Variants in NLRP5 observed in about 807,000 individuals in gnomAD.
NLRP5 encodes NLR family pyrin domain containing 5.
Under a neutral mutation model 113.1 loss-of-function variants are expected in NLRP5, and 93 were observed. The observed-to-expected ratio is 0.82, with a 90% CI of 0.70 to 0.98. NLRP5 has a LOEUF of 0.98. Ranked by LOEUF, NLRP5 falls within the 50% of genes least tolerant of loss-of-function variation. The pLI, the probability that NLRP5 is intolerant of heterozygous loss-of-function variation, is 0.00. For missense variants in NLRP5, 1,808 were observed against 1,514.3 expected, an observed-to-expected ratio of 1.19 and a Z score of -3.22; for synonymous variants, 751 against 600.7, an observed-to-expected ratio of 1.25 and a Z score of -3.66.
Position 56,042,405 on chromosome 19 carries a change from G to A in NLRP5, c.2957+1313G>A, listed in dbSNP as rs117487388. Among the ~76,000 whole-genome samples the A allele has an allele frequency of 3.7e-3, 565 of 152,170 alleles. 3 individuals carry two copies. The highest frequency in any genetic ancestry group is 5.6e-3 in the Non-Finnish European group (384 of 68,012). On this transcript the variant is annotated intron_variant, in intron 11 of 14. Coordinates refer to ENST00000390649, the MANE Select transcript of NLRP5 (RefSeq NM_153447.4). ...GTCACCCAGGTTGGAGTGGCATGGC[G>A]CAATCTCAGCTCACTGCAACCTCCA...
At chr19:55,991,799 A>G in the NLRP5 span, among the ~76,000 whole-genome samples, 44 of 152,236 alleles carry the variant, frequency 2.9e-4, no homozygotes, top group African/African-American at 8.9e-4. Context: ...AATATAAATA[A>G]TAGTGGAATA....
rs368474222 is a variant in NLRP5 at position 56,053,662 on chromosome 19, C to T, written c.3153C>T (p.Ala1051=). 1.4e-5 allele frequency: 22 copies of T among 1,613,676 alleles called. No individual in the cohort carries two copies. The highest frequency in any genetic ancestry group is 1.1e-4 in the East Asian group (5 of 44,890). ...GGTTGGTAAAGTGTCATCTCACCGC[C>T]GCGTGCTGTGAGAGTCTGTCCTGTG... Residue 1051 remains alanine (A), a synonymous_variant, in exon 13 of 15, where the codon GCC becomes GCT. Coordinates refer to ENST00000390649, the MANE Select transcript of NLRP5 (RefSeq NM_153447.4).
upstream of NLRP5, among the ~76,000 whole-genome samples, chr19:55,997,714 A>G (rs1169227453): frequency 1.3e-5 from 2 of 152,078 alleles, no homozygotes; most frequent in Admixed American, 6.6e-5. Context: ...TACCAAAAAA[A>G]TAGCTGGGTG....
chr19:56,017,666 C>T (rs1167680349), intron 4 of NLRP5, among the ~76,000 whole-genome samples: 1 of 152,090 alleles, frequency 6.6e-6, no homozygotes. Context: ...TGTTTTATGC[C>T]TGATGTATCT....
At chr19:56,040,424 C>T (rs1272299522) in intron 10 of NLRP5, among the ~76,000 whole-genome samples, 2 of 151,976 alleles carry the variant, frequency 1.3e-5, no homozygotes, top group African/African-American at 4.8e-5. Flanking sequence ...AAAAATTAGT[C>T]AAACATGGTG....
intron 6 of NLRP5, 92 bp from the exon 7 acceptor site, chr19:56,026,821 C>T (rs1322420754): frequency 3.7e-5 from 49 of 1,323,108 alleles, no homozygotes; most frequent in Non-Finnish European, 5.0e-5. Flanking sequence ...GGTGATATGC[C>T]CATCTTGACC....
intron 11 of NLRP5, among the ~76,000 whole-genome samples, chr19:56,041,596 C>T (rs1983525078): frequency 6.6e-6 from 1 of 152,178 alleles, no homozygotes; most frequent in South Asian, 2.1e-4. Flanking sequence ...CTCACAGCCT[C>T]CCCACGCTCC....
upstream of NLRP5, among the ~76,000 whole-genome samples, chr19:55,997,290 C>A (rs1054249360): frequency 6.6e-6 from 1 of 152,102 alleles, no homozygotes; most frequent in African/African-American, 2.4e-5. Context: ...ACCCTTGCAA[C>A]CCTGAGATGA....
chr19:56,014,811 A>G (rs1297082505), intron 3 of NLRP5, among the ~76,000 whole-genome samples: 1 of 152,152 alleles, frequency 6.6e-6, no homozygotes, highest in Non-Finnish European at 1.5e-5. Flanking sequence ...TGACTTAACT[A>G]CTATTGCTTT....
At chr19:56,033,510 G>A (rs1298183461) in intron 8 of NLRP5, 32 bp from the exon 9 acceptor site, 1 of 1,552,810 alleles carries the variant, frequency 6.4e-7, no homozygotes, top group East Asian at 2.3e-5. Context: ...AACATCACCA[G>A]TGTCGAATGT....
At chr19:55,995,007 C>A (rs190821186), upstream of NLRP5, among the ~76,000 whole-genome samples, 12 of 152,252 alleles carry the variant, frequency 7.9e-5, no homozygotes, top group East Asian at 1.7e-3. Context: ...AGTGTACTTT[C>A]CCTAATCTTG....
intron 4 of NLRP5, among the ~76,000 whole-genome samples, chr19:56,017,084 G>C (rs1982434554): frequency 6.6e-6 from 1 of 152,192 alleles, no homozygotes; most frequent in Non-Finnish European, 1.5e-5. Flanking sequence ...TGGGATTACA[G>C]ACGTGAGCCA....
intron 11 of NLRP5, among the ~76,000 whole-genome samples, chr19:56,042,291 G>T (rs1043200736): frequency 2.0e-5 from 3 of 152,184 alleles, no homozygotes; most frequent in African/African-American, 7.2e-5. Context: ...TACAGATGCA[G>T]TTCTCATTAT....
intron 11 of NLRP5, among the ~76,000 whole-genome samples, chr19:56,046,988 T>C (rs1028909735): frequency 1.3e-5 from 2 of 152,222 alleles, no homozygotes; most frequent in Non-Finnish European, 2.9e-5. Flanking sequence ...GTTGGATCTT[T>C]CTAGGAATTT....
intron 1 of NLRP5, among the ~76,000 whole-genome samples, chr19:56,001,721 A>G (rs1390916135): frequency 1.3e-5 from 2 of 152,148 alleles, no homozygotes; most frequent in Non-Finnish European, 2.9e-5. Context: ...ACATGACAAG[A>G]CTTTACTGTG....
chr19:55,990,072 C>CTTTTT, the NLRP5 span, among the ~76,000 whole-genome samples: 1 of 76,480 alleles, frequency 1.3e-5, no homozygotes, highest in African/African-American at 4.9e-5. Flanking sequence ...TCTTTTTTTT[C>CTTTTT]TTTTTTCTTT....
At chr19:56,010,755 A>AAAAAAAAAAAAAAAAAAAAAAAAAAAAT (rs78321861) in intron 3 of NLRP5, among the ~76,000 whole-genome samples, 1 of 125,980 alleles carries the variant, frequency 7.9e-6, no homozygotes, top group African/African-American at 3.0e-5. Flanking sequence ...AAAAAAAAAA[A>AAAAAAAAAAAAAAAAAAAAAAAAAAAAT]GTCCCTTGAA....
intron 8 of NLRP5, among the ~76,000 whole-genome samples, chr19:56,033,245 C>T (rs1157841878): frequency 6.6e-6 from 1 of 151,722 alleles, no homozygotes; most frequent in Admixed American, 6.6e-5. Flanking sequence ...AGTGAGACTC[C>T]ATCTTAAACA....
At chr19:56,021,322 T>A (rs1357727277) in intron 6 of NLRP5, among the ~76,000 whole-genome samples, 1 of 152,234 alleles carries the variant, frequency 6.6e-6, no homozygotes, top group African/African-American at 2.4e-5. Flanking sequence ...GAGGCTTTTT[T>A]GTTGAGATAT....
Sources: allele counts gnomAD v4.1 joint callset (sites outside exome capture counted in the v4.1 genomes callset), GRCh38; gene constraint gnomAD v4.1.1; transcripts MANE v1.5; gene names NCBI Gene and HGNC (gene_info 2026-07-23, HGNC 2026-07-21).